The following CLEC17A variants were observed in gnomAD, a reference collection of about 807,000 sequenced individuals.
CLEC17A encodes the protein C-type lectin domain family 17, member A.
CLEC17A carries 37 observed loss-of-function variants against 61.3 expected under a neutral mutation model. That is an observed-to-expected ratio of 0.60 (90% CI 0.46 to 0.79). CLEC17A has a LOEUF of 0.79. Among genes scored for constraint, CLEC17A ranks in the 30% least tolerant of loss-of-function variants. The pLI is 0.00. For synonymous variants in CLEC17A, 168 were observed against 164.9 expected (o/e 1.02, Z -0.14); for missense variants, 418 against 464.7 (o/e 0.90, Z 0.92).
chr19:14,607,608 C>T (rs1489681954), intron 13 of CLEC17A, among the ~76,000 whole-genome samples: 1 of 151,230 alleles, frequency 6.6e-6, no homozygotes, highest in Non-Finnish European at 1.5e-5. Context: ...GACGGAGTCT[C>T]GCTGTCGCTC....
At chr19:14,598,396 CTCCTTCCTTCCT>C (rs145062320) in intron 10 of CLEC17A, among the ~76,000 whole-genome samples, 5 of 146,940 alleles carry the variant, frequency 3.4e-5, no homozygotes, top group African/African-American at 1.3e-4. Flanking sequence ...CCCTTCCCTT[CTCCTTCCTTCCT>C]TCCTTCCTTT....
Position 14,597,119 on chromosome 19 carries a change from CTG to C in CLEC17A, c.605_606del (p.Leu202GlnfsTer26). Reference sequence around the variant, plus strand: ...CATAGACCAGGAGTTGATGGAAGAACTGAGAATGTTAAGCTTTCAGCAGATGA... The same window carrying C: ...CATAGACCAGGAGTTGATGGAAGAACAGAATGTTAAGCTTTCAGCAGATGA... Reference protein sequence around the residue: ...LIKYQELMEELRMLSFQQMTW... With the variant: ...LIKYQELMEEXRMLSFQQMTW... On this transcript the variant is annotated frameshift_variant, in exon 10 of 14. Coordinates refer to ENST00000417570, the MANE Select transcript of CLEC17A (RefSeq NM_001204118.2). LOFTEE classifies it high-confidence loss of function. 1 of 1,613,186 alleles carries C rather than the reference CTG, an allele frequency of 6.2e-7. No homozygotes were observed. Among genetic ancestry groups the C allele is most frequent in the Non-Finnish European group, 8.5e-7 (1 of 1,179,608 alleles).
intron 12 of CLEC17A, among the ~76,000 whole-genome samples, chr19:14,604,876 GA>G (rs1183684320): frequency 3.9e-5 from 6 of 152,122 alleles, no homozygotes; most frequent in Admixed American, 2.0e-4. Flanking sequence ...TAGAACACAT[GA>G]AATAGATTAT....
Position 14,600,040 on chromosome 19 carries a change from G to T in CLEC17A, c.752G>T (p.Arg251Leu), listed in dbSNP as rs764808677. ...VELWGLLDCR[R>L]ITCPEGWLPF... ...TCTGTCTGGTTCCCAGACTGCCGCCGAATTACCTGTCCTGAAGGCTGGCTG... is the reference window on the plus strand; with the variant it reads ...TCTGTCTGGTTCCCAGACTGCCGCCTAATTACCTGTCCTGAAGGCTGGCTG... The change falls in exon 12 of 14, where the codon CGA becomes CTA. Residue 251 changes from arginine to leucine, a missense_variant. Physicochemically the swap from Arg to Leu is moderately radical, Grantham distance 102. Coordinates refer to ENST00000417570, the MANE Select transcript of CLEC17A (RefSeq NM_001204118.2). 6.2e-7 allele frequency: 1 copy of T among 1,613,888 alleles called. No homozygotes were observed. The highest frequency in any genetic ancestry group is 8.5e-7 in the Non-Finnish European group (1 of 1,179,858).
At position 14,599,725 on chromosome 19, in the gene CLEC17A, A is replaced by G; in HGVS notation, c.655A>G (p.Met219Val). 6.2e-7 allele frequency: 1 copy of G among 1,613,586 alleles called. No individual in the cohort carries two copies. Among genetic ancestry groups the G allele is most frequent in the Non-Finnish European group, 8.5e-7 (1 of 1,179,662 alleles). The change falls in exon 11 of 14, where the codon ATG becomes GTG. Residue 219 changes from methionine to valine, a missense_variant. Met to Val is a conservative substitution (Grantham distance 21). Coordinates refer to ENST00000417570, the MANE Select transcript of CLEC17A (RefSeq NM_001204118.2). ...CCCATCCCTTCTGACAGTGACTGGC[A>G]TGGCAGGGCTAGCTGGCCTGAAGCA... The part of the protein sequence containing the change: ...QMTWRTNMTG[M>V]AGLAGLKHDI...
chr19:14,607,011 C>T lies in CLEC17A; in HGVS notation c.913C>T (p.His305Tyr). The T allele has an allele frequency of 7.7e-7, 1 of 1,302,086 alleles. No homozygotes were observed. The highest frequency in any genetic ancestry group is 9.8e-7 in the Non-Finnish European group (1 of 1,021,164). The allele number at this position is 1,302,086 out of a possible 1,614,324, so 80.7% of individuals were successfully genotyped here. A position where few individuals can be genotyped will look rare whatever the true frequency, so the allele number is the denominator to read the frequency against. Reference protein sequence around the residue: ...FAEHNFVAKAHGSPRVYWLGL... With the variant: ...FAEHNFVAKAYGSPRVYWLGL... ...TTTGCAGAATTTTGTGGCCAAGGCC[C>T]ATGGCTCTCCACGGGTGTACTGGCT... Residue 305 changes from histidine to tyrosine, a missense_variant, in exon 13 of 14, where the codon CAT becomes TAT. By Grantham distance (83) the His-to-Tyr change is moderately conservative. Coordinates refer to ENST00000417570, the MANE Select transcript of CLEC17A (RefSeq NM_001204118.2).
At chr19:14,593,490 AT>A (rs567653613) in intron 4 of CLEC17A, among the ~76,000 whole-genome samples, 79 of 148,866 alleles carry the variant, frequency 5.3e-4, no homozygotes, top group Non-Finnish European at 7.8e-4. Flanking sequence ...ATATGAAAAC[AT>A]TTTTTTTTTC....
chr19:14,598,724 G>A (rs1054882548), intron 10 of CLEC17A, among the ~76,000 whole-genome samples: 7 of 152,042 alleles, frequency 4.6e-5, no homozygotes, highest in Non-Finnish European at 7.4e-5. Context: ...ACCCATCTGC[G>A]TCAGCCTCCC....
chr19:14,609,983 A>C, intron 13 of CLEC17A, 81 bp from the exon 14 acceptor site: 21 of 984,466 alleles, frequency 2.1e-5, no homozygotes, highest in Non-Finnish European at 3.3e-5. Flanking sequence ...AGTGCCAGGT[A>C]TTCATCATTA....
Position 14,594,797 on chromosome 19 carries a change from C to A in CLEC17A, c.400C>A (p.Leu134Met). The A allele has an allele frequency of 6.2e-7, 1 of 1,613,700 alleles. No homozygotes were observed. The highest frequency in any genetic ancestry group is 1.1e-5 in the South Asian group (1 of 91,046). ...LAAVTCPPPQ[L>M]AVNLEPSPLQ... ...CGCTGTCACCTGTCCACCTCCTCAA[C>A]TGGGTGAGCAGTGGGAAGACCCTTT... Residue 134 changes from leucine (L) to methionine (M), a missense_variant, in exon 7 of 14, where the codon CTG (leucine) becomes ATG (methionine). By Grantham distance (15) the Leu-to-Met change is conservative. Coordinates refer to ENST00000417570, the MANE Select transcript of CLEC17A (RefSeq NM_001204118.2).
intron 4 of CLEC17A, 156 bp from the exon 5 acceptor site, chr19:14,594,361 C>T (rs2074492926): frequency 1.2e-6 from 1 of 865,032 alleles, no homozygotes; most frequent in Non-Finnish European, 1.9e-6. Context: ...TACTTAATCC[C>T]ATCTCCATCC....
chr19:14,586,375 T>C (rs1051105861), intron 2 of CLEC17A, among the ~76,000 whole-genome samples: 30 of 152,228 alleles, frequency 2.0e-4, no homozygotes, highest in Admixed American at 6.5e-4. Flanking sequence ...CTGCCTGCCT[T>C]GGCCTCCCAA....
At chr19:14,585,276 C>T (rs1474030093) in intron 2 of CLEC17A, among the ~76,000 whole-genome samples, 7 of 152,242 alleles carry the variant, frequency 4.6e-5, no homozygotes. Flanking sequence ...TCCAAGCAAT[C>T]CTCCTACTAC....
At chr19:14,601,525 G>A (rs1007038199) in intron 12 of CLEC17A, among the ~76,000 whole-genome samples, 3 of 152,194 alleles carry the variant, frequency 2.0e-5, no homozygotes, top group Middle Eastern at 3.2e-3. Context: ...CTTGCCTGGA[G>A]TCACTTACAG....
chr19:14,583,411 A>T lies in CLEC17A; in HGVS notation c.98A>T (p.Tyr33Phe), dbSNP rs1160344271. Reference sequence around the variant, plus strand: ...GACTATGAGAACTCAACACCTCCCTACAAGGACCTTCCTCCCAAGCCAGGT... The same window carrying T: ...GACTATGAGAACTCAACACCTCCCTTCAAGGACCTTCCTCCCAAGCCAGGT... ...DDDYENSTPP[Y>F]KDLPPKPGTM... Residue 33 changes from tyrosine (Y) to phenylalanine (F), a missense_variant, in exon 2 of 14, where the codon TAC becomes TTC. Coordinates refer to ENST00000417570, the MANE Select transcript of CLEC17A (RefSeq NM_001204118.2). 1 of 1,612,268 alleles carries T rather than the reference A, an allele frequency of 6.2e-7. No individual in the cohort carries two copies. The highest frequency in any genetic ancestry group is 2.2e-5 in the East Asian group (1 of 44,848).
chr19:14,584,990 A>G (rs1222735613), intron 2 of CLEC17A, among the ~76,000 whole-genome samples: 4 of 152,082 alleles, frequency 2.6e-5, no homozygotes, highest in Non-Finnish European at 5.9e-5. Flanking sequence ...CCCAACACCA[A>G]TTCTAATCCA....
At chr19:14,604,522 C>T (rs932650056) in intron 12 of CLEC17A, among the ~76,000 whole-genome samples, 6 of 151,834 alleles carry the variant, frequency 4.0e-5, no homozygotes, top group Admixed American at 6.6e-5. Context: ...CAGCACTTTG[C>T]GAGGCCGAGG....
At position 14,583,171 on chromosome 19, in the gene CLEC17A, T is replaced by C. The variant is rs762497693; in HGVS notation, c.11T>C (p.Leu4Pro). 1.2e-5 allele frequency: 20 copies of C among 1,613,932 alleles called. No homozygotes were observed. The highest frequency in any genetic ancestry group is 1.6e-5 in the Non-Finnish European group (19 of 1,179,904). Residue 4 changes from leucine to proline, a missense_variant, in exon 1 of 14, where the codon CTG (leucine) becomes CCG (proline). Coordinates refer to ENST00000417570, the MANE Select transcript of CLEC17A (RefSeq NM_001204118.2). MHN[L>P]YSITGYPDPP... ...TTCCCTGTGCTAGACATGCATAATCTGTATTCCATCACTGGGTACCCGGAC... is the reference window on the plus strand; with the variant it reads ...TTCCCTGTGCTAGACATGCATAATCCGTATTCCATCACTGGGTACCCGGAC...
chr19:14,597,413 G>A (rs911771921), intron 10 of CLEC17A, among the ~76,000 whole-genome samples: 5 of 152,212 alleles, frequency 3.3e-5, no homozygotes, highest in African/African-American at 1.2e-4. Context: ...CACTTGAAAT[G>A]TGGCCAGTCC....
Sources: allele counts gnomAD v4.1 joint callset (sites outside exome capture counted in the v4.1 genomes callset), GRCh38; gene constraint gnomAD v4.1.1; transcripts MANE v1.5; gene names NCBI Gene and HGNC (gene_info 2026-07-23, HGNC 2026-07-21).